The following VRK1 variants were observed in gnomAD, a reference collection of about 807,000 sequenced individuals.
VRK1 encodes VRK serine/threonine kinase 1, also known as serine/threonine-protein kinase VRK1.
Under a neutral mutation model 57.1 loss-of-function variants are expected in VRK1, and 33 were observed. The ratio of observed to expected loss-of-function variants is 0.58; its 90% CI spans 0.44 to 0.77. VRK1 has a LOEUF of 0.77. Among genes scored for constraint, VRK1 ranks in the 30% least tolerant of loss-of-function variants. The probability of loss-of-function intolerance (pLI) is 0.00; values close to 1 mark genes in which losing one functional copy is unlikely to be tolerated. For synonymous variants in VRK1, 137 were observed against 147.8 expected, an observed-to-expected ratio of 0.93 and a Z score of 0.53; for missense variants, 413 against 477.3, an observed-to-expected ratio of 0.87 and a Z score of 1.25.
chr14:96,800,728 A>T (rs1342372867), intron 1 of VRK1, among the ~76,000 whole-genome samples: 1 of 152,102 alleles, frequency 6.6e-6, no homozygotes, highest in Admixed American at 6.6e-5. Flanking sequence ...CCAGTACTCT[A>T]GGATTTGAAA....
intron 4 of VRK1, 29 bp downstream of exon 4, chr14:96,846,193 A>C: frequency 6.2e-7 from 1 of 1,608,304 alleles, no homozygotes; most frequent in Non-Finnish European, 8.5e-7. Flanking sequence ...ATACGTTTAC[A>C]CTTTTAAAAT....
At chr14:96,875,957 C>A (rs2139845648) in intron 11 of VRK1, 73 bp from the exon 12 acceptor site, 3 of 1,496,682 alleles carry the variant, frequency 2.0e-6, no homozygotes, top group East Asian at 4.6e-5. Context: ...CACACACAGA[C>A]AAATATGTGA....
chr14:96,810,378 A>G (rs894806360), intron 1 of VRK1, among the ~76,000 whole-genome samples: 2 of 152,076 alleles, frequency 1.3e-5, no homozygotes, highest in Non-Finnish European at 2.9e-5. Context: ...GTGTTTAAGA[A>G]GTTTTTGCTA....
intron 4 of VRK1, among the ~76,000 whole-genome samples, chr14:96,846,427 A>G (rs892106848): frequency 1.3e-5 from 2 of 152,196 alleles, no homozygotes; most frequent in South Asian, 2.1e-4. Context: ...ATTGAGAATT[A>G]TTGATGAAAT....
chr14:96,850,815 A>G (rs1439583595), intron 5 of VRK1, among the ~76,000 whole-genome samples: 1 of 152,254 alleles, frequency 6.6e-6, no homozygotes, highest in Non-Finnish European at 1.5e-5. Flanking sequence ...CTGGTTGAGC[A>G]TCCCAAATCT....
At position 96,847,239 on chromosome 14, in the gene VRK1, A is replaced by T; in HGVS notation, c.287-18A>T. 1 of 1,603,412 alleles carries T rather than the reference A, an allele frequency of 6.2e-7. No homozygotes were observed. The highest frequency in any genetic ancestry group is 1.1e-5 in the South Asian group (1 of 90,856). ...ATGTATAACAATTGAAATCACAAAG[A>T]TCTGTTTTAATTTGTAGTTCAGAAA... On this transcript the variant is annotated intron_variant, in intron 4 of 12. Coordinates refer to ENST00000216639, the MANE Select transcript of VRK1 (RefSeq NM_003384.3).
At position 96,878,190 on chromosome 14, in the gene VRK1, G is replaced by A. The variant is rs184084237; in HGVS notation, c.1159+2070G>A. On this transcript the variant is annotated intron_variant, in intron 12 of 12. Coordinates refer to ENST00000216639, the MANE Select transcript of VRK1 (RefSeq NM_003384.3). ...ATAAGTGAGAGAAATATTATCTGAT[G>A]GTAAAATATTATTGCTTCCAGCAAA... Among the ~76,000 whole-genome samples, 704 of 151,994 alleles carry A rather than the reference G, an allele frequency of 4.6e-3. 2 individuals are homozygous for A. Among genetic ancestry groups the A allele is most frequent in the Middle Eastern group, 0.01 (3 of 294 alleles).
At chr14:96,869,961 C>T (rs987425785) in intron 11 of VRK1, among the ~76,000 whole-genome samples, 33 of 152,082 alleles carry the variant, frequency 2.2e-4, no homozygotes, top group Non-Finnish European at 7.4e-5. Flanking sequence ...TTTTGGTTTT[C>T]ATTGATGTAT....
At chr14:96,874,667 G>C (rs1888956609) in intron 11 of VRK1, among the ~76,000 whole-genome samples, 1 of 152,178 alleles carries the variant, frequency 6.6e-6, no homozygotes, top group South Asian at 2.1e-4. Flanking sequence ...TTAGGAACAT[G>C]GTGGGTATCT....
At chr14:96,830,917 C>T (rs1295334041) in intron 1 of VRK1, among the ~76,000 whole-genome samples, 1 of 152,164 alleles carries the variant, frequency 6.6e-6, no homozygotes. Flanking sequence ...TGGCTTCATC[C>T]CTAGCAGTTT....
At chr14:96,859,234 C>T (rs981593054) in intron 10 of VRK1, among the ~76,000 whole-genome samples, 26 of 151,566 alleles carry the variant, frequency 1.7e-4, no homozygotes, top group African/African-American at 5.5e-4. Flanking sequence ...TTGCATTTTA[C>T]GACCTTGTTA....
intron 1 of VRK1, among the ~76,000 whole-genome samples, chr14:96,824,442 TTCAGTGTCAGCTAGATTTC>T (rs1371316674): frequency 6.6e-6 from 1 of 152,062 alleles, no homozygotes; most frequent in Non-Finnish European, 1.5e-5. Flanking sequence ...AATGAGATGA[TTCAGTGTCAGCTAGATTTC>T]ATAGCATGGA....
Position 96,881,195 on chromosome 14 carries a change from G to A in VRK1, c.1178G>A (p.Arg393Lys), listed in dbSNP as rs185062090. 6 of 1,605,564 alleles carry A rather than the reference G, an allele frequency of 3.7e-6. No individual in the cohort carries two copies. The East Asian group carries it at 1.3e-4, about 36-fold the overall frequency. The change falls in exon 13 of 13, where the codon AGA becomes AAA. Residue 393 changes from arginine to lysine, a missense_variant. Arg to Lys is a conservative substitution (Grantham distance 26, BLOSUM62 2). Transcript: ENST00000216639. ...AIQTRSRTRK[R>K]VQK ...CTTCAAGGTTCAAGAACCAGAAAGA[G>A]AGTCCAGAAGTAATTCAGATGCTGT...
chr14:96,813,026 C>G (rs1224122447), intron 1 of VRK1, among the ~76,000 whole-genome samples: 1 of 152,178 alleles, frequency 6.6e-6, no homozygotes, highest in East Asian at 1.9e-4. Context: ...TAATTCAGCC[C>G]ATTCTTAAGA....
intron 10 of VRK1, among the ~76,000 whole-genome samples, chr14:96,858,017 G>A (rs1316250349): frequency 6.6e-6 from 1 of 152,020 alleles, no homozygotes; most frequent in African/African-American, 2.4e-5. Flanking sequence ...CTTTCACTTA[G>A]TAATGTATTT....
intron 12 of VRK1, among the ~76,000 whole-genome samples, chr14:96,876,836 A>C (rs1889055832): frequency 6.6e-6 from 1 of 151,702 alleles, no homozygotes; most frequent in East Asian, 1.9e-4. Flanking sequence ...TTTTTCTGAG[A>C]TGGCTTATAA....
chr14:96,814,729 A>G lies in VRK1; in HGVS notation c.-6+17282A>G, dbSNP rs568119393. 6.6e-5 allele frequency among the ~76,000 whole-genome samples: 10 copies of G among 152,276 alleles called. No individual in the cohort carries two copies. In the East Asian group the frequency reaches 1.7e-3, roughly 26 times the overall value. ...GCAGCATATGTATAATGGTCCTTTT[A>G]TATGAATAGGAATGTTCTCATACAA... On this transcript the variant is annotated intron_variant, in intron 1 of 12. Coordinates refer to ENST00000216639, the MANE Select transcript of VRK1 (RefSeq NM_003384.3).
chr14:96,855,995 G>A, intron 8 of VRK1, 135 bp from the exon 9 acceptor site: 2 of 1,032,542 alleles, frequency 1.9e-6, no homozygotes, highest in South Asian at 3.1e-5. Context: ...GTACCTAGGT[G>A]AAATGCAGTC....
At chr14:96,822,690 A>G (rs1035143005) in intron 1 of VRK1, among the ~76,000 whole-genome samples, 3 of 152,246 alleles carry the variant, frequency 2.0e-5, no homozygotes, top group Non-Finnish European at 4.4e-5. Flanking sequence ...AGTCAGCAGG[A>G]GAATTTTTCT....
Sources: gnomAD v4.1 joint callset for allele counts (sites outside exome capture counted in the v4.1 genomes callset) on GRCh38, gnomAD v4.1.1 for gene constraint, MANE v1.5 for transcripts, NCBI Gene and HGNC (gene_info 2026-07-23, HGNC 2026-07-21) for gene names.